TMEM236: variants seen among roughly 807,000 people sequenced by gnomAD.
TMEM236 encodes transmembrane protein 236.
A neutral mutation model predicts 14.7 loss-of-function variants in TMEM236; 11 were observed. That is an observed-to-expected ratio of 0.75 (90% CI 0.47 to 1.24). TMEM236 has a LOEUF of 1.24. TMEM236 is among the 50% of genes most tolerant of loss of function. The pLI, the probability that TMEM236 is intolerant of heterozygous loss-of-function variation, is 0.00. For missense variants in TMEM236, 464 were observed against 427.3 expected (o/e 1.09, Z -0.76); for synonymous variants, 182 against 168.6 (o/e 1.08, Z -0.62).
At chr10:17,781,376 T>C (rs1304258932) in intron 3 of TMEM236, among the ~76,000 whole-genome samples, 1 of 152,192 alleles carries the variant, frequency 6.6e-6, no homozygotes, top group Non-Finnish European at 1.5e-5. Context: ...AGTTTCCTTC[T>C]TAAAACTGAC....
At position 17,796,719 on chromosome 10, in the gene TMEM236, C is replaced by G. The variant is rs1366049283; in HGVS notation, c.*215C>G. On this transcript the variant is annotated 3_prime_UTR_variant, in exon 4 of 4. Coordinates refer to ENST00000377495, the MANE Select transcript of TMEM236 (RefSeq NM_001098844.3). ...AAAGTAATATTCTTATAAGTTGGCTCTCAGGTATTTCTAGAAAATGTTAGC... is the reference window on the plus strand; with the variant it reads ...AAAGTAATATTCTTATAAGTTGGCTGTCAGGTATTTCTAGAAAATGTTAGC... 5 of 574,042 alleles carry G rather than the reference C, an allele frequency of 8.7e-6. No individual in the cohort carries two copies. Among genetic ancestry groups the G allele is most frequent in the African/African-American group, 1.9e-5 (1 of 53,042 alleles). 35.6% of individuals were successfully genotyped at this position (574,042 alleles called of 1,614,324 possible).
At chr10:17,785,434 C>T (rs1837818615) in intron 3 of TMEM236, among the ~76,000 whole-genome samples, 1 of 152,172 alleles carries the variant, frequency 6.6e-6, no homozygotes. Context: ...AGAGGCCAAT[C>T]CAAGCACAGG....
At chr10:17,783,177 C>T (rs1473486651) in intron 3 of TMEM236, among the ~76,000 whole-genome samples, 1 of 152,146 alleles carries the variant, frequency 6.6e-6, no homozygotes, top group Non-Finnish European at 1.5e-5. Flanking sequence ...AGAGTGTCCT[C>T]AGAAGGCCTG....
chr10:17,755,270 G>A lies in TMEM236; in HGVS notation c.257+2718G>A, dbSNP rs969689111. Among the ~76,000 whole-genome samples, 67 of 152,154 alleles carry A rather than the reference G, an allele frequency of 4.4e-4. 1 individual carries two copies. Among genetic ancestry groups the A allele is most frequent in the Admixed American group, 3.3e-3 (51 of 15,268 alleles). ...CCGGCCGATGTTTTATTTTGAAAGC[G>A]AATGACATAGAACACATGTGAAAAG... is the stretch of plus-strand genomic sequence containing the variant. On this transcript the variant is annotated intron_variant, in intron 1 of 3. Coordinates refer to ENST00000377495, the MANE Select transcript of TMEM236 (RefSeq NM_001098844.3).
chr10:17,784,403 G>A (rs1837801187), intron 3 of TMEM236, among the ~76,000 whole-genome samples: 1 of 152,146 alleles, frequency 6.6e-6, no homozygotes, highest in African/African-American at 2.4e-5. Flanking sequence ...AAAAATATCA[G>A]TGCCAAGCAC....
Position 17,789,879 on chromosome 10 carries a change from C to T in TMEM236, c.473-6042C>T, listed in dbSNP as rs572309681. ...TACTAAAAATACAAAAAAAAATTAG[C>T]CGGGCGTGGGGGCGGGCGCCTGTAG... On this transcript the variant is annotated intron_variant, in intron 3 of 3. Coordinates refer to ENST00000377495, the MANE Select transcript of TMEM236 (RefSeq NM_001098844.3). 5.3e-5 allele frequency among the ~76,000 whole-genome samples: 8 copies of T among 151,914 alleles called. No individual in the cohort carries two copies. In the South Asian group the frequency reaches 1.7e-3, roughly 32 times the overall value.
At chr10:17,782,325 A>G (rs1029321715) in intron 3 of TMEM236, among the ~76,000 whole-genome samples, 1 of 152,210 alleles carries the variant, frequency 6.6e-6, no homozygotes, top group Non-Finnish European at 1.5e-5. Flanking sequence ...CCATAACCCT[A>G]CAAACTAGAA....
At chr10:17,791,727 C>T (rs913912792) in intron 3 of TMEM236, among the ~76,000 whole-genome samples, 18 of 152,162 alleles carry the variant, frequency 1.2e-4, no homozygotes, top group Non-Finnish European at 1.3e-4. Context: ...CCTACTCATT[C>T]TTACTATCTC....
At position 17,752,440 on chromosome 10, in the gene TMEM236, C is replaced by G; in HGVS notation, c.145C>G (p.Leu49Val). 2 of 1,614,010 alleles carry G rather than the reference C, an allele frequency of 1.2e-6. No homozygotes were observed. The highest frequency in any genetic ancestry group is 1.7e-6 in the Non-Finnish European group (2 of 1,179,874). ...RARSDNTHYW[L>V]IISCSIAYVA... ...TAGATCTGACAACACACACTACTGG[C>G]TGATCATCTCCTGTTCTATTGCCTA... The change falls in exon 1 of 4, where the codon CTG (leucine) becomes GTG (valine). Residue 49 changes from leucine (L) to valine (V), a missense_variant. Transcript: ENST00000377495.
chr10:17,786,079 G>T (rs4747326), intron 3 of TMEM236, among the ~76,000 whole-genome samples: 82,515 of 151,900 alleles, frequency 0.54, 23,235 homozygotes, highest in Middle Eastern at 0.7. Flanking sequence ...TAAATTGTTT[G>T]TTTTTCCTAA....
intron 1 of TMEM236, among the ~76,000 whole-genome samples, chr10:17,769,730 C>A (rs969017798): frequency 1.3e-5 from 2 of 152,268 alleles, no homozygotes; most frequent in South Asian, 4.2e-4. Context: ...GGGGTAATCT[C>A]ATCTTCTAAT....
rs997243068 is a variant in TMEM236, at chr10:17,796,674, A to G, written c.*170A>G. On this transcript the variant is annotated 3_prime_UTR_variant, in exon 4 of 4. Coordinates refer to ENST00000377495, the MANE Select transcript of TMEM236 (RefSeq NM_001098844.3). The stretch of plus-strand genomic sequence containing the variant: ...TATCAGTTTTTTTTTTTACATATAC[A>G]AATGGTGCTAAATTTAAGTAAAGTA... The G allele has an allele frequency of 1.3e-5, 8 of 620,886 alleles. No homozygotes were observed. The highest frequency in any genetic ancestry group is 2.2e-5 in the Non-Finnish European group (8 of 356,806). 38.5% of individuals were successfully genotyped at this position (620,886 alleles called of 1,614,324 possible). A position where few individuals can be genotyped will look rare whatever the true frequency, so the allele number is the denominator to read the frequency against.
intron 2 of TMEM236, 64 bp from the exon 3 acceptor site, chr10:17,775,965 T>C: frequency 6.3e-7 from 1 of 1,590,626 alleles, no homozygotes; most frequent in Non-Finnish European, 8.6e-7. Flanking sequence ...TTCAGACTAT[T>C]GAAAGCATTT....
At chr10:17,783,963 T>C (rs1293039829) in intron 3 of TMEM236, among the ~76,000 whole-genome samples, 3 of 152,154 alleles carry the variant, frequency 2.0e-5, no homozygotes, top group African/African-American at 7.2e-5. Flanking sequence ...TTTTTCCTGC[T>C]GATTCATGAG....
intron 2 of TMEM236, among the ~76,000 whole-genome samples, chr10:17,775,210 G>A (rs1837640144): frequency 6.6e-6 from 1 of 152,190 alleles, no homozygotes; most frequent in Non-Finnish European, 1.5e-5. Flanking sequence ...ATTTCAGAGG[G>A]AAAACTTTCA....
chr10:17,759,600 G>A (rs1476678095), intron 1 of TMEM236, among the ~76,000 whole-genome samples: 1 of 152,152 alleles, frequency 6.6e-6, no homozygotes, highest in South Asian at 2.1e-4. Context: ...AATATTTATT[G>A]AGCAAGTACT....
chr10:17,780,194 G>A (rs1166079534), intron 3 of TMEM236, among the ~76,000 whole-genome samples: 1 of 152,142 alleles, frequency 6.6e-6, no homozygotes, highest in Non-Finnish European at 1.5e-5. Flanking sequence ...GGCAGAGCCA[G>A]ACTCCTTTGA....
intron 3 of TMEM236, among the ~76,000 whole-genome samples, chr10:17,781,651 CA>C (rs1837751000): frequency 6.8e-6 from 1 of 147,228 alleles, no homozygotes; most frequent in Non-Finnish European, 1.5e-5. Flanking sequence ...GAGGCTGAGG[CA>C]GAAGAATCGC....
intron 3 of TMEM236, among the ~76,000 whole-genome samples, chr10:17,787,392 C>T (rs953969673): frequency 2.6e-5 from 4 of 152,228 alleles, no homozygotes; most frequent in Admixed American, 6.5e-5. Context: ...TGGAATCAAT[C>T]GTCATGGCCT....
Sources: allele counts gnomAD v4.1 joint callset (sites outside exome capture counted in the v4.1 genomes callset), GRCh38; gene constraint gnomAD v4.1.1; transcripts MANE v1.5; gene names NCBI Gene and HGNC (gene_info 2026-07-23, HGNC 2026-07-21).